GFRA1: variants seen among roughly 807,000 people sequenced by gnomAD.
GFRA1 encodes the protein GDNF family receptor alpha-1.
A neutral mutation model predicts 51.6 loss-of-function variants in GFRA1; 16 were observed. The ratio of observed to expected loss-of-function variants is 0.31; its 90% CI spans 0.21 to 0.47. The LOEUF is 0.47. Ranked by LOEUF, GFRA1 falls within the 20% of genes least tolerant of loss-of-function variation. The pLI is 1.00. For synonymous variants in GFRA1, 270 were observed against 241.3 expected (o/e 1.12, Z -1.10); for missense variants, 530 against 594.3 (o/e 0.89, Z 1.13).
chr10:116,100,848 A>C (rs1956790905), intron 6 of GFRA1, among the ~76,000 whole-genome samples: 1 of 152,174 alleles, frequency 6.6e-6, no homozygotes. Context: ...AGAAAGGAGG[A>C]TGCCCGGAAA....
intron 5 of GFRA1, among the ~76,000 whole-genome samples, chr10:116,131,398 A>C (rs764227755): frequency 2.6e-5 from 4 of 152,188 alleles, no homozygotes; most frequent in Admixed American, 6.5e-5. Flanking sequence ...CAGAAATTCT[A>C]CTTTTAGGTT....
At chr10:116,237,704 A>T (rs1174264678) in intron 4 of GFRA1, among the ~76,000 whole-genome samples, 2 of 152,132 alleles carry the variant, frequency 1.3e-5, no homozygotes, top group African/African-American at 4.8e-5. Flanking sequence ...AGTAGAACAA[A>T]GTTTTCAGCC....
intron 4 of GFRA1, among the ~76,000 whole-genome samples, chr10:116,253,839 T>C (rs377525818): frequency 3.9e-5 from 6 of 152,332 alleles, no homozygotes; most frequent in African/African-American, 1.4e-4. Flanking sequence ...CGGGGTAGCA[T>C]GCAAAGGGCT....
chr10:116,237,848 A>C (rs893913168), intron 4 of GFRA1, among the ~76,000 whole-genome samples: 40 of 152,196 alleles, frequency 2.6e-4, no homozygotes, highest in African/African-American at 9.4e-4. Context: ...AAAGCTCTGC[A>C]CAAAAAGGTC....
chr10:116,230,443 G>A (rs1330851725), intron 4 of GFRA1, among the ~76,000 whole-genome samples: 1 of 152,224 alleles, frequency 6.6e-6, no homozygotes, highest in Non-Finnish European at 1.5e-5. Context: ...ACTATGTTGA[G>A]TGGCTTTCCA....
At chr10:116,065,435 G>A (rs1344388129) in intron 10 of GFRA1, 138 bp downstream of exon 10, 6 of 714,894 alleles carry the variant, frequency 8.4e-6, no homozygotes, top group African/African-American at 3.5e-5. Context: ...AAGGGCAGAC[G>A]GTCATGGAGG....
intron 5 of GFRA1, among the ~76,000 whole-genome samples, chr10:116,184,672 T>A (rs1253643300): frequency 6.6e-6 from 1 of 152,240 alleles, no homozygotes; most frequent in Non-Finnish European, 1.5e-5. Flanking sequence ...ACATGTCTCA[T>A]CAGAGGGTCA....
chr10:116,257,219 T>C (rs1213131321), intron 4 of GFRA1, among the ~76,000 whole-genome samples: 1 of 152,164 alleles, frequency 6.6e-6, no homozygotes, highest in African/African-American at 2.4e-5. Context: ...CCCTTCAGGA[T>C]GACCCAGCTT....
rs1416647949 is a variant in GFRA1 at position 116,058,040 on chromosome 10, G to GTGTGTGTGTGTGTGTA, written c.*6357_*6358insTACACACACACACACA. The GTGTGTGTGTGTGTGTA allele has an allele frequency of 7.1e-6, 1 of 141,348 alleles. No individual in the cohort carries two copies. Among genetic ancestry groups the GTGTGTGTGTGTGTGTA allele is most frequent in the African/African-American group, 2.7e-5 (1 of 37,428 alleles). 8.8% of individuals were successfully genotyped at this position (141,348 alleles called of 1,614,324 possible). A position where few individuals can be genotyped will look rare whatever the true frequency, so the allele number is the denominator to read the frequency against. Reference sequence around the variant, plus strand: ...TGTGTGTGTGTGTGTGTGTGTGTGTGTGACAGAGAGAACCACGCTTTATTG... The same window carrying GTGTGTGTGTGTGTGTA: ...TGTGTGTGTGTGTGTGTGTGTGTGTGTGTGTGTGTGTGTGTATGACAGAGAGAACCACGCTTTATTG... On this transcript the variant is annotated 3_prime_UTR_variant, in exon 11 of 11. Coordinates refer to ENST00000355422, the MANE Select transcript of GFRA1 (RefSeq NM_005264.8).
chr10:116,153,332 T>C (rs1959131601), intron 5 of GFRA1, among the ~76,000 whole-genome samples: 1 of 152,176 alleles, frequency 6.6e-6, no homozygotes, highest in Non-Finnish European at 1.5e-5. Context: ...CCTTTATACA[T>C]CTTTCTGGAA....
intron 5 of GFRA1, among the ~76,000 whole-genome samples, chr10:116,138,637 C>G (rs554209340): frequency 3.1e-5 from 4 of 127,214 alleles, no homozygotes; most frequent in South Asian, 3.2e-4. Flanking sequence ...TGGTAGGAAC[C>G]CCCCCCCGAC....
intron 4 of GFRA1, among the ~76,000 whole-genome samples, chr10:116,243,711 C>T (rs1967608360): frequency 6.6e-6 from 1 of 152,010 alleles, no homozygotes; most frequent in African/African-American, 2.4e-5. Context: ...CTGGAGCTTC[C>T]ATTTGATTCC....
At chr10:116,173,775 C>T (rs1961284612) in intron 5 of GFRA1, among the ~76,000 whole-genome samples, 1 of 151,958 alleles carries the variant, frequency 6.6e-6, no homozygotes, top group Admixed American at 6.5e-5. Context: ...TTTTTTTTCC[C>T]CGGTTAAAAA....
At chr10:116,227,359 G>C (rs1966372832) in intron 4 of GFRA1, among the ~76,000 whole-genome samples, 1 of 152,186 alleles carries the variant, frequency 6.6e-6, no homozygotes, top group South Asian at 2.1e-4. Flanking sequence ...TTATTCTTTG[G>C]AGCTAAGAAA....
rs1258369928 is a variant in GFRA1, at chr10:116,062,599, G to C, written c.*1799C>G. The C allele has an allele frequency of 6.6e-6, 1 of 152,436 alleles. No individual in the cohort carries two copies. The highest frequency in any genetic ancestry group is 1.9e-4 in the East Asian group (1 of 5,184). 9.4% of individuals were successfully genotyped at this position (152,436 alleles called of 1,614,324 possible). A position where few individuals can be genotyped will look rare whatever the true frequency, so the allele number is the denominator to read the frequency against. On this transcript the variant is annotated 3_prime_UTR_variant, in exon 11 of 11. Transcript: ENST00000355422. ...CAAGGCAAACACCAGCAGGCAAAGG[G>C]GATCTGTAGAAATGTGCACCCTGGT...
intron 5 of GFRA1, among the ~76,000 whole-genome samples, chr10:116,161,548 C>A (rs115926941): frequency 0.022 from 3,356 of 152,256 alleles, 127 homozygotes; most frequent in African/African-American, 0.075. Context: ...TGTAATAACC[C>A]CCAAATGTCA....
chr10:116,140,889 T>TA (rs917571883), intron 5 of GFRA1, among the ~76,000 whole-genome samples: 20 of 152,256 alleles, frequency 1.3e-4, no homozygotes, highest in African/African-American at 4.8e-4. Context: ...GGGGAAAAGA[T>TA]ATCTACAGGA....
intron 9 of GFRA1, among the ~76,000 whole-genome samples, chr10:116,087,262 A>T (rs1436418326): frequency 1.9e-5 from 1 of 53,060 alleles, no homozygotes; most frequent in Non-Finnish European, 3.5e-5. Flanking sequence ...CCAAGTCAGG[A>T]TTTGGGCGGG....
At chr10:116,135,868 T>C (rs1958302641) in intron 5 of GFRA1, among the ~76,000 whole-genome samples, 1 of 152,192 alleles carries the variant, frequency 6.6e-6, no homozygotes, top group Admixed American at 6.5e-5. Flanking sequence ...TTTAATAATC[T>C]AATTATGTGT....
Sources: gnomAD v4.1 joint callset for allele counts (sites outside exome capture counted in the v4.1 genomes callset) on GRCh38, gnomAD v4.1.1 for gene constraint, MANE v1.5 for transcripts, NCBI Gene and HGNC (gene_info 2026-07-23, HGNC 2026-07-21) for gene names.